Variants in MGA observed in about 807,000 individuals in gnomAD.
MGA encodes the protein MAX dimerization protein MGA.
Under a neutral mutation model 261.1 loss-of-function variants are expected in MGA, and 40 were observed. The observed-to-expected ratio is 0.15, with a 90% CI of 0.12 to 0.20. The LOEUF (loss-of-function observed/expected upper bound fraction) is 0.20, where lower values mean the gene tolerates loss of function less well. Among genes scored for constraint, MGA ranks in the 10% least tolerant of loss-of-function variants. MGA has a pLI of 1.00. For missense variants in MGA, 3,397 were observed against 3,630.5 expected (o/e 0.94, Z 1.65); for synonymous variants, 1,302 against 1,290.6 (o/e 1.01, Z -0.19).
At chr15:41,665,605 C>T (rs1012820244) in intron 1 of MGA, among the ~76,000 whole-genome samples, 18 of 152,230 alleles carry the variant, frequency 1.2e-4, no homozygotes, top group African/African-American at 3.6e-4. Context: ...TGGGCTTAAG[C>T]GATCCTCCTG....
At chr15:41,724,312 C>G (rs2061111303) in intron 9 of MGA, among the ~76,000 whole-genome samples, 1 of 152,088 alleles carries the variant, frequency 6.6e-6, no homozygotes, top group Non-Finnish European at 1.5e-5. Context: ...CCTGTTTTTT[C>G]TCTTAAGTAC....
intron 17 of MGA, 88 bp downstream of exon 17, chr15:41,750,703 CA>C: frequency 8.1e-7 from 1 of 1,234,336 alleles, no homozygotes; most frequent in Non-Finnish European, 1.1e-6. Flanking sequence ...AGCACTAAGG[CA>C]TAATACATTT....
In MGA at chr15:41,740,206, A is replaced by G. The variant is rs772903979; in HGVS notation, c.4585+3A>G. The G allele has an allele frequency of 6.2e-7, 1 of 1,613,488 alleles. No homozygotes were observed. Among genetic ancestry groups the G allele is most frequent in the Non-Finnish European group, 8.5e-7 (1 of 1,179,618 alleles). On this transcript the variant is annotated splice_donor_region_variant and intron_variant, in intron 14 of 23. Coordinates refer to ENST00000219905, the MANE Select transcript of MGA (RefSeq NM_001164273.2). ...TGTCCCAGCAAAACGGCCAATTGGT[A>G]AGTTGGGGTGTATGTATGGTTTGGA...
At chr15:41,628,649 G>T (rs2056516790) in intron 1 of MGA, among the ~76,000 whole-genome samples, 1 of 151,920 alleles carries the variant, frequency 6.6e-6, no homozygotes, top group South Asian at 2.1e-4. Context: ...GAGTGCTGGG[G>T]TATGAAGTGG....
rs1380524348 is a variant in MGA at position 41,710,675 on chromosome 15, G to A, written c.2426-16G>A. ...TCCTAGATTTCTTTAAGCATTTTAT[G>A]TTTTCTTATTTCTAGGTGGAAATTC... On this transcript the variant is annotated splice_polypyrimidine_tract_variant and intron_variant, in intron 7 of 23. Transcript: ENST00000219905. The A allele has an allele frequency of 6.3e-7, 1 of 1,580,088 alleles. No individual in the cohort carries two copies. The highest frequency in any genetic ancestry group is 1.4e-5 in the African/African-American group (1 of 73,094).
intron 18 of MGA, among the ~76,000 whole-genome samples, chr15:41,754,932 G>A (rs1157149649): frequency 6.6e-6 from 1 of 152,218 alleles, no homozygotes; most frequent in Non-Finnish European, 1.5e-5. Context: ...AAATGAGGTA[G>A]TATGTGCAAC....
intron 2 of MGA, chr15:41,684,394 G>C: frequency 6.6e-6 from 3 of 452,906 alleles, no homozygotes; most frequent in South Asian, 4.7e-5. Context: ...TTTTGCCTAG[G>C]TATTCTTTTG....
intron 19 of MGA, among the ~76,000 whole-genome samples, chr15:41,758,875 T>G (rs1253048203): frequency 6.6e-6 from 1 of 152,172 alleles, no homozygotes; most frequent in Non-Finnish European, 1.5e-5. Flanking sequence ...ACCAAGAAAC[T>G]GCACAGGACA....
rs180787006 is a variant in MGA at position 41,667,668 on chromosome 15, C to A, written c.-67-1160C>A. On this transcript the variant is annotated intron_variant, in intron 1 of 23. Coordinates refer to ENST00000219905, the MANE Select transcript of MGA (RefSeq NM_001164273.2). ...GTGCTGGGATTATAGGTGTGAGTCA[C>A]CATGTCCAGCCCCCTTTTTATATTA... is the stretch of plus-strand genomic sequence containing the variant. Among the ~76,000 whole-genome samples the A allele has an allele frequency of 2.9e-4, 44 of 152,258 alleles. No homozygotes were observed. The East Asian group carries it at 7.3e-3, about 25-fold the overall frequency.
At chr15:41,725,049 T>C (rs1382708984) in intron 9 of MGA, among the ~76,000 whole-genome samples, 1 of 152,256 alleles carries the variant, frequency 6.6e-6, no homozygotes, top group Non-Finnish European at 1.5e-5. Context: ...TATGTGACTC[T>C]AGGTGAAAGT....
intron 1 of MGA, 140 bp from the exon 2 acceptor site, chr15:41,668,688 A>G (rs2057897888): frequency 2.4e-6 from 1 of 424,856 alleles, no homozygotes; most frequent in Admixed American, 3.8e-5. Flanking sequence ...TTGAAAGAAA[A>G]GCTTAGAAGC....
In MGA at chr15:41,742,635, C is replaced by T. The variant is rs761703897; in HGVS notation, c.4675C>T (p.Pro1559Ser). 2.4e-5 allele frequency: 38 copies of T among 1,613,784 alleles called. No individual in the cohort carries two copies. The highest frequency in any genetic ancestry group is 1.8e-4 in the Admixed American group (11 of 59,992). Reference sequence around the variant, plus strand: ...GCAGAAGATACCTGGAGTTAGCACACCCCAAACCCTGGCAGGGACACAGAA... The same window carrying T: ...GCAGAAGATACCTGGAGTTAGCACATCCCAAACCCTGGCAGGGACACAGAA... The change falls in exon 15 of 24, where the codon CCC becomes TCC. Residue 1559 changes from proline (P) to serine (S), a missense_variant. This residue lies in a region of MGA where 1,410 missense variants were observed against 1,386.4 expected (regional missense o/e 1.02). Coordinates refer to ENST00000219905, the MANE Select transcript of MGA (RefSeq NM_001164273.2).
rs373991487 is a variant in MGA, at chr15:41,701,087, A to G, written c.2188+1928A>G. The stretch of plus-strand genomic sequence containing the variant: ...TGTAATAGACAGTCACATCATAGCA[A>G]TCTTGCAGATAACGTTTGCTGCTGT... On this transcript the variant is annotated intron_variant, in intron 5 of 23. Transcript: ENST00000219905. Among the ~76,000 whole-genome samples the G allele has an allele frequency of 3.3e-4, 51 of 152,338 alleles. 1 individual carries two copies. The South Asian group carries it at 9.5e-3, about 28-fold the overall frequency.
At position 41,742,661 on chromosome 15, in the gene MGA, G is replaced by A. The variant is rs756036060; in HGVS notation, c.4701G>A (p.Lys1567=). 1 of 1,613,958 alleles carries A rather than the reference G, an allele frequency of 6.2e-7. No homozygotes were observed. Among genetic ancestry groups the A allele is most frequent in the Non-Finnish European group, 8.5e-7 (1 of 1,179,876 alleles). ...CCCAAACCCTGGCAGGGACACAGAA[G>A]TTCAGTATCAGACCTTCTCCAGTAA... Residue 1567 remains lysine (K), a synonymous_variant, in exon 15 of 24, where the codon AAG becomes AAA. Coordinates refer to ENST00000219905, the MANE Select transcript of MGA (RefSeq NM_001164273.2).
At chr15:41,635,150 A>G (rs1283219530) in intron 1 of MGA, among the ~76,000 whole-genome samples, 1 of 151,722 alleles carries the variant, frequency 6.6e-6, no homozygotes, top group Non-Finnish European at 1.5e-5. Flanking sequence ...CCTGGCCAAC[A>G]TGGCAAAACC....
At chr15:41,726,368 G>A (rs1175164377) in intron 9 of MGA, among the ~76,000 whole-genome samples, 1 of 152,174 alleles carries the variant, frequency 6.6e-6, no homozygotes, top group African/African-American at 2.4e-5. Flanking sequence ...ACAATGCTTA[G>A]AACTATTGAA....
At chr15:41,705,452 C>T (rs1309304946) in intron 5 of MGA, among the ~76,000 whole-genome samples, 2 of 152,028 alleles carry the variant, frequency 1.3e-5, no homozygotes, top group African/African-American at 2.4e-5. Flanking sequence ...CCCTCAACCT[C>T]CTGGGCTCAA....
chr15:41,737,714 C>T lies in MGA; in HGVS notation c.4434+1016C>T, dbSNP rs1047337074. On this transcript the variant is annotated intron_variant, in intron 13 of 23. Coordinates refer to ENST00000219905, the MANE Select transcript of MGA (RefSeq NM_001164273.2). ...AGGTTTTTCTAGCTGAGCGCAGTGG[C>T]TTACGCCTGTAATCCCAGCACTTTG... is the stretch of plus-strand genomic sequence containing the variant. Among the ~76,000 whole-genome samples the T allele has an allele frequency of 3.3e-5, 5 of 152,160 alleles. No homozygotes were observed. In the East Asian group the frequency reaches 7.7e-4, roughly 24 times the overall value.
chr15:41,765,601 A>C (rs1282034916), intron 23 of MGA, among the ~76,000 whole-genome samples: 1 of 152,178 alleles, frequency 6.6e-6, no homozygotes, highest in Non-Finnish European at 1.5e-5. Context: ...CCTTGTCTCT[A>C]CCTGTTGCCA....
Sources: gnomAD v4.1 joint callset for allele counts (sites outside exome capture counted in the v4.1 genomes callset) on GRCh38, gnomAD v4.1.1 for gene constraint, gnomAD v4.1.1 regional missense constraint, MANE v1.5 for transcripts, NCBI Gene and HGNC (gene_info 2026-07-23, HGNC 2026-07-21) for gene names.